Variants in SLC35F2 observed in about 807,000 individuals in gnomAD.
SLC35F2 encodes the protein solute carrier family 35 member F2, also known as queuine/queuosine transporter SLC35F2.
SLC35F2 carries 25 observed loss-of-function variants against 38.1 expected under a neutral mutation model. The ratio of observed to expected loss-of-function variants is 0.66; its 90% CI spans 0.48 to 0.92. The LOEUF (loss-of-function observed/expected upper bound fraction) is 0.92. Ranked by LOEUF, SLC35F2 falls within the 40% of genes least tolerant of loss-of-function variation. The pLI, the probability that SLC35F2 is intolerant of heterozygous loss-of-function variation, is 0.00. For missense variants in SLC35F2, 409 were observed against 452.9 expected (o/e 0.90, Z 0.88); for synonymous variants, 173 against 181.7 (o/e 0.95, Z 0.38).
chr11:107,851,388 C>A (rs28366787), intron 1 of SLC35F2, among the ~76,000 whole-genome samples: 150,925 of 150,926 alleles, frequency 1, 75,462 homozygotes, highest in Non-Finnish European at 1. Context: ...GCTTGAACCC[C>A]GGAGACGGAG....
intron 1 of SLC35F2, 122 bp downstream of exon 1, chr11:107,858,536 G>A (rs966331410): frequency 3.2e-5 from 29 of 906,124 alleles, no homozygotes; most frequent in Middle Eastern, 2.4e-4. Flanking sequence ...CGAAGTCCGT[G>A]CGGCCGCCAC....
At chr11:107,828,386 A>T (rs559309649) in intron 1 of SLC35F2, among the ~76,000 whole-genome samples, 48 of 151,072 alleles carry the variant, frequency 3.2e-4, no homozygotes, top group African/African-American at 1.1e-3. Context: ...GTGAACTGAG[A>T]TCGCACCACT....
chr11:107,845,246 G>A (rs761712263), intron 1 of SLC35F2, among the ~76,000 whole-genome samples: 1 of 152,138 alleles, frequency 6.6e-6, no homozygotes, highest in Non-Finnish European at 1.5e-5. Context: ...GGCTGTGTTA[G>A]ACTGAATAAA....
chr11:107,807,271 C>CAA (rs201964530), intron 3 of SLC35F2, among the ~76,000 whole-genome samples: 7 of 70,892 alleles, frequency 9.9e-5, no homozygotes, highest in African/African-American at 2.8e-4. Flanking sequence ...CCTGTCTGTA[C>CAA]AAAAAAAAAA....
At chr11:107,799,412 T>C (rs1859268876) in intron 7 of SLC35F2, among the ~76,000 whole-genome samples, 1 of 152,176 alleles carries the variant, frequency 6.6e-6, no homozygotes, top group African/African-American at 2.4e-5. Context: ...CCAACTGGCC[T>C]GCAACTGCTA....
At chr11:107,803,205 A>G (rs1319207817) in intron 6 of SLC35F2, 50 bp from the exon 7 acceptor site, 2 of 1,537,328 alleles carry the variant, frequency 1.3e-6, no homozygotes, top group Non-Finnish European at 1.7e-6. Flanking sequence ...AAAACATAAG[A>G]CAAAGGAGTT....
At chr11:107,826,357 A>G (rs951269213) in intron 1 of SLC35F2, among the ~76,000 whole-genome samples, 3 of 151,724 alleles carry the variant, frequency 2.0e-5, no homozygotes, top group African/African-American at 7.3e-5. Context: ...GCTCACCACA[A>G]CCTCCGCTTC....
chr11:107,853,649 G>A (rs1258484070), intron 1 of SLC35F2, among the ~76,000 whole-genome samples: 2 of 150,878 alleles, frequency 1.3e-5, no homozygotes, highest in East Asian at 3.9e-4. Flanking sequence ...GAACCCGGGA[G>A]GCGGAGCTTG....
At chr11:107,811,842 C>A in intron 2 of SLC35F2, 48 bp from the exon 3 acceptor site, 1 of 1,523,752 alleles carries the variant, frequency 6.6e-7, no homozygotes, top group Admixed American at 1.9e-5. Context: ...CAAATGATAC[C>A]ATACATGTTG....
At chr11:107,853,520 C>T (rs1860222265) in intron 1 of SLC35F2, among the ~76,000 whole-genome samples, 1 of 151,632 alleles carries the variant, frequency 6.6e-6, no homozygotes, top group African/African-American at 2.4e-5. Flanking sequence ...AGATCGAGAC[C>T]ATCCTGGCTA....
chr11:107,792,652 T>G lies in SLC35F2; in HGVS notation c.1088A>C (p.Glu363Ala). 1 of 1,613,518 alleles carries G rather than the reference T, an allele frequency of 6.2e-7. No individual in the cohort carries two copies. Reference sequence around the variant, plus strand: ...AGAGTGGGTCTCCTGGAGGTTCTCCTCCAGCTTCAGCCCCAGGTTGTCAAT... The same window carrying G: ...AGAGTGGGTCTCCTGGAGGTTCTCCGCCAGCTTCAGCCCCAGGTTGTCAAT... ...IGIDNLGLKL[E>A]ENLQETHSAV... Residue 363 changes from glutamate (E) to alanine (A), a missense_variant, in exon 8 of 8, where the codon GAG becomes GCG. By Grantham distance (107) the Glu-to-Ala change is moderately radical. Transcript: ENST00000525815.
chr11:107,802,239 A>AAAAAAATAAAT (rs1460306351), intron 7 of SLC35F2, among the ~76,000 whole-genome samples: 6 of 151,684 alleles, frequency 4.0e-5, no homozygotes, highest in African/African-American at 9.7e-5. Context: ...CTCCATCTCA[A>AAAAAAATAAAT]AAAAAATAAA....
At chr11:107,820,557 A>C (rs914841970) in intron 1 of SLC35F2, among the ~76,000 whole-genome samples, 3 of 152,060 alleles carry the variant, frequency 2.0e-5, no homozygotes, top group Admixed American at 6.6e-5. Flanking sequence ...CACAGTTGGT[A>C]TCTTCCTACG....
At chr11:107,806,318 A>G (rs1859388286) in intron 4 of SLC35F2, among the ~76,000 whole-genome samples, 1 of 152,224 alleles carries the variant, frequency 6.6e-6, no homozygotes, top group South Asian at 2.1e-4. Context: ...CTCTCAATCC[A>G]AAGAGACACT....
intron 1 of SLC35F2, among the ~76,000 whole-genome samples, chr11:107,838,430 T>C (rs1859962947): frequency 6.6e-6 from 1 of 152,054 alleles, no homozygotes; most frequent in South Asian, 2.1e-4. Context: ...GTTCAAGCGA[T>C]TCTCCTGACT....
intron 1 of SLC35F2, among the ~76,000 whole-genome samples, chr11:107,841,558 C>CAA (rs59699944): frequency 3.1e-5 from 3 of 95,518 alleles, no homozygotes; most frequent in African/African-American, 8.0e-5. Flanking sequence ...GACTCCAACT[C>CAA]AAAAAAAAAA....
At chr11:107,818,262 C>T (rs1037294738) in intron 1 of SLC35F2, among the ~76,000 whole-genome samples, 7 of 151,946 alleles carry the variant, frequency 4.6e-5, no homozygotes, top group African/African-American at 9.7e-5. Flanking sequence ...AAAACCCCAT[C>T]TCTACTAAAA....
intron 7 of SLC35F2, among the ~76,000 whole-genome samples, chr11:107,801,957 C>T (rs1049241755): frequency 3.9e-5 from 6 of 152,068 alleles, no homozygotes; most frequent in South Asian, 2.1e-4. Context: ...TAAATGGCTC[C>T]GCCAGGCATG....
intron 7 of SLC35F2, among the ~76,000 whole-genome samples, chr11:107,793,478 C>A (rs941467321): frequency 2.0e-5 from 3 of 152,038 alleles, no homozygotes; most frequent in African/African-American, 7.2e-5. Flanking sequence ...CTAGACACTG[C>A]TTACAATATT....
Sources: allele counts gnomAD v4.1 joint callset (sites outside exome capture counted in the v4.1 genomes callset), GRCh38; gene constraint gnomAD v4.1.1; transcripts MANE v1.5; gene names NCBI Gene and HGNC (gene_info 2026-07-23, HGNC 2026-07-21).